The following ZNF236 variants were observed in gnomAD, a reference collection of about 807,000 sequenced individuals.
ZNF236 encodes regulated by glucose.
Under a neutral mutation model 191.2 loss-of-function variants are expected in ZNF236, and 50 were observed. The observed-to-expected ratio is 0.26, with a 90% CI of 0.21 to 0.33. The LOEUF is 0.33. Ranked by LOEUF, ZNF236 falls within the 10% of genes least tolerant of loss-of-function variation. ZNF236 has a pLI of 1.00. For synonymous variants in ZNF236, 907 were observed against 928.8 expected, an observed-to-expected ratio of 0.98 and a Z score of 0.43; for missense variants, 1,754 against 2,374.5, an observed-to-expected ratio of 0.74 and a Z score of 5.43.
chr18:76,918,665 C>G (rs1008208239), intron 19 of ZNF236, among the ~76,000 whole-genome samples: 2 of 152,106 alleles, frequency 1.3e-5, no homozygotes, highest in Admixed American at 6.5e-5. Context: ...CTGCCAAGCC[C>G]CACCTTGGCC....
At chr18:76,938,242 TGGCCAGGCGTGGCAGTACACACCTGTA>T (rs1362918772) in intron 26 of ZNF236, among the ~76,000 whole-genome samples, 3 of 151,728 alleles carry the variant, frequency 2.0e-5, no homozygotes, top group Non-Finnish European at 4.4e-5. Flanking sequence ...ATAAAAAATT[TGGCCAGGCGTGGCAGTACACACCTGTA>T]GTACTAGGTA....
intron 1 of ZNF236, among the ~76,000 whole-genome samples, chr18:76,833,551 G>A (rs2122408268): frequency 6.6e-6 from 1 of 152,180 alleles, no homozygotes; most frequent in South Asian, 2.1e-4. Context: ...AGGCAAACTT[G>A]TTGCGATATT....
rs144807875 is a variant in ZNF236 at position 76,902,380 on chromosome 18, A to G, written c.1895-2000A>G. On this transcript the variant is annotated intron_variant, in intron 11 of 30. Transcript: ENST00000320610. ...GAATAGTGTTATGAGAGTAAGTGAA[A>G]GTAGAATGCTCATTGAGGAAGCTAG... Among the ~76,000 whole-genome samples, 732 of 152,308 alleles carry G rather than the reference A, an allele frequency of 4.8e-3. 5 individuals are homozygous for G. Among genetic ancestry groups the G allele is most frequent in the Non-Finnish European group, 8.1e-3 (552 of 68,014 alleles).
chr18:76,947,733 A>G (rs1473133777), intron 27 of ZNF236, 81 bp downstream of exon 27: 5 of 1,506,582 alleles, frequency 3.3e-6, no homozygotes, highest in Non-Finnish European at 4.5e-6. Flanking sequence ...GTAGAGGGTT[A>G]TGGGCGTGCT....
intron 15 of ZNF236, 148 bp downstream of exon 15, chr18:76,910,317 T>C (rs549847932): frequency 1.5e-6 from 1 of 689,014 alleles, no homozygotes; most frequent in African/African-American, 1.8e-5. Context: ...TGTAGATTTT[T>C]TTTTATTGAT....
At chr18:76,914,905 A>G (rs994769377) in intron 18 of ZNF236, among the ~76,000 whole-genome samples, 3 of 152,230 alleles carry the variant, frequency 2.0e-5, no homozygotes, top group African/African-American at 4.8e-5. Context: ...AAATGAAGAT[A>G]TACTGCTTAG....
intron 30 of ZNF236, among the ~76,000 whole-genome samples, chr18:76,962,397 T>C (rs1486541199): frequency 6.6e-6 from 1 of 152,222 alleles, no homozygotes; most frequent in African/African-American, 2.4e-5. Context: ...GGGTTCTCTA[T>C]TCAGTTCCAT....
rs1229764798 is a variant in ZNF236, at chr18:76,970,872, T to C, written c.*2533T>C. On this transcript the variant is annotated 3_prime_UTR_variant, in exon 31 of 31. Coordinates refer to ENST00000320610, the MANE Select transcript of ZNF236 (RefSeq NM_001306089.2). ...AGTTCAGAGGCGTTTACCCCTGCAG[T>C]GTCCACTGGAAAGGCTTCAGACTTT... The C allele has an allele frequency of 6.6e-6, 1 of 152,260 alleles. No individual in the cohort carries two copies. Among genetic ancestry groups the C allele is most frequent in the Non-Finnish European group, 1.5e-5 (1 of 68,046 alleles). The allele number at this position is 152,260 out of a possible 1,614,324, so 9.4% of individuals were successfully genotyped here.
intron 1 of ZNF236, chr18:76,849,322 CAT>C (rs1347434158): frequency 2.1e-6 from 1 of 486,424 alleles, no homozygotes; most frequent in Non-Finnish European, 3.6e-6. Context: ...TCTGTTGTCC[CAT>C]ATCTTAGTCA....
At chr18:76,912,666 A>G (rs1967248976) in intron 17 of ZNF236, among the ~76,000 whole-genome samples, 1 of 152,190 alleles carries the variant, frequency 6.6e-6, no homozygotes, top group Non-Finnish European at 1.5e-5. Flanking sequence ...TTAAATTTAT[A>G]TTATGCCTTT....
intron 1 of ZNF236, among the ~76,000 whole-genome samples, chr18:76,837,989 G>A (rs948007726): frequency 6.6e-6 from 1 of 152,120 alleles, no homozygotes; most frequent in Non-Finnish European, 1.5e-5. Context: ...ATCACTTAAC[G>A]TCACCTCACA....
rs190280830 is a variant in ZNF236 at position 76,847,623 on chromosome 18, G to A, written c.56-1903G>A. 7.1e-3 allele frequency among the ~76,000 whole-genome samples: 1,077 copies of A among 152,118 alleles called. 4 individuals carry two copies. The highest frequency in any genetic ancestry group is 0.011 in the Non-Finnish European group (756 of 67,984). ...TGGGGCTACAGGCGCCCACCACCAC[G>A]CCCGGCTGATTTTTTCTGTGTGTCT... is the stretch of plus-strand genomic sequence containing the variant. On this transcript the variant is annotated intron_variant, in intron 1 of 30. Transcript: ENST00000320610.
chr18:76,879,454 G>A (rs1335734142), intron 7 of ZNF236, among the ~76,000 whole-genome samples: 1 of 152,190 alleles, frequency 6.6e-6, no homozygotes. Flanking sequence ...AGTAACCAAA[G>A]TCCATAGTTT....
intron 3 of ZNF236, among the ~76,000 whole-genome samples, chr18:76,865,343 A>G (rs190023452): frequency 6.6e-6 from 1 of 152,196 alleles, no homozygotes. Flanking sequence ...ATCAAAAAAC[A>G]AAAAACAAAA....
In ZNF236 at chr18:76,836,843, C is replaced by T. The variant is rs906301708; in HGVS notation, c.56-12683C>T. The stretch of plus-strand genomic sequence containing the variant: ...CCATCTGCCTTGGCCTCCCAAAGTG[C>T]GGGGATTACAGGCGTGAGCCACCGC... On this transcript the variant is annotated intron_variant, in intron 1 of 30. Transcript: ENST00000320610. Among the ~76,000 whole-genome samples, 5 of 152,026 alleles carry T rather than the reference C, an allele frequency of 3.3e-5. No homozygotes were observed. In the East Asian group the frequency reaches 7.8e-4, roughly 24 times the overall value.
chr18:76,904,117 A>G (rs887631526), intron 11 of ZNF236, among the ~76,000 whole-genome samples: 2 of 151,520 alleles, frequency 1.3e-5, no homozygotes, highest in Non-Finnish European at 2.9e-5. Context: ...AAAATGAGCA[A>G]CATTAATATA....
intron 21 of ZNF236, among the ~76,000 whole-genome samples, chr18:76,923,452 A>T (rs1468250454): frequency 2.0e-5 from 3 of 152,224 alleles, no homozygotes. Context: ...TGTTAAAAAG[A>T]TTACCTCTTA....
chr18:76,890,961 G>A (rs1477637005), intron 9 of ZNF236, among the ~76,000 whole-genome samples: 1 of 152,018 alleles, frequency 6.6e-6, no homozygotes, highest in Non-Finnish European at 1.5e-5. Flanking sequence ...ATGAATAGGA[G>A]ATATATTTTC....
rs192940780 is a variant in ZNF236 at position 76,904,443 on chromosome 18, A to G, written c.1958A>G (p.Asn653Ser). The change falls in exon 12 of 31, where the codon AAT (asparagine) becomes AGT (serine). Residue 653 changes from asparagine to serine, a missense_variant. Asn to Ser is a conservative substitution (Grantham distance 46). This residue lies in a region of ZNF236 where 641 missense variants were observed against 869.6 expected (regional missense o/e 0.74). Transcript: ENST00000320610. ...AGCTATTTCAATAATAATTTTGTCA[A>G]TGAAGCAGATAGACCATACAAGTGT... is the stretch of plus-strand genomic sequence containing the variant. ...FQSYFNNNFV[N>S]EADRPYKCFY... 361 of 1,611,622 alleles carry G rather than the reference A, an allele frequency of 2.2e-4. 4 individuals are homozygous for G. In the African/African-American group the frequency reaches 2.6e-3, roughly 12 times the overall value.
Sources: gnomAD v4.1 joint callset for allele counts (sites outside exome capture counted in the v4.1 genomes callset) on GRCh38, gnomAD v4.1.1 for gene constraint, gnomAD v4.1.1 regional missense constraint, MANE v1.5 for transcripts, NCBI Gene and HGNC (gene_info 2026-07-23, HGNC 2026-07-21) for gene names.